EZR: variants seen among roughly 807,000 people sequenced by gnomAD.
The protein encoded by EZR is ezrin.
In EZR, 40 loss-of-function variants were observed where a neutral mutation model predicts 74.8. That is an observed-to-expected ratio of 0.53 (90% CI 0.42 to 0.70). The LOEUF is 0.70. Ranked by LOEUF, EZR falls within the 30% of genes least tolerant of loss-of-function variation. The pLI is 0.00. For synonymous variants in EZR, 341 were observed against 283.3 expected (o/e 1.20, Z -2.05); for missense variants, 678 against 755.8 (o/e 0.90, Z 1.21).
In EZR at chr6:158,766,839, A is replaced by G. The variant is rs1353779870; in HGVS notation, c.*75T>C. 2.2e-6 allele frequency: 3 copies of G among 1,369,536 alleles called. No individual in the cohort carries two copies. The African/African-American group carries it at 4.6e-5, about 21-fold the overall frequency. 84.8% of individuals were successfully genotyped at this position (1,369,536 alleles called of 1,614,324 possible). A position where few individuals can be genotyped will look rare whatever the true frequency, so the allele number is the denominator to read the frequency against. ...CTGAGGGAGTTCCTAGACTTGGAGC[A>G]CTAAAGACACAAGCGTGGCGGGGCT... On this transcript the variant is annotated 3_prime_UTR_variant, in exon 14 of 14. Transcript: ENST00000367075.
rs1562510919 is a variant in EZR, at chr6:158,818,116, T to C, written c.-23A>G. Reference sequence around the variant, plus strand: ...CATTTTCGGTTTCTGGTGAGTATCCTCGATCCCCGAAAACACGACTATCCA... The same window carrying C: ...CATTTTCGGTTTCTGGTGAGTATCCCCGATCCCCGAAAACACGACTATCCA... On this transcript the variant is annotated 5_prime_UTR_variant, in exon 2 of 14. Transcript: ENST00000367075. 6.2e-7 allele frequency: 1 copy of C among 1,607,270 alleles called. No individual in the cohort carries two copies. Among genetic ancestry groups the C allele is most frequent in the South Asian group, 1.1e-5 (1 of 90,448 alleles).
chr6:158,771,298 A>C lies in EZR; in HGVS notation c.905T>G (p.Val302Gly), dbSNP rs777703007. The change falls in exon 9 of 14, where the codon GTG becomes GGG. Residue 302 changes from valine to glycine, a missense_variant. Val to Gly is a moderately radical substitution (Grantham distance 109, BLOSUM62 -3). This residue lies in a region of EZR where 119 missense variants were observed against 182.3 expected (regional missense o/e 0.65). Coordinates refer to ENST00000367075, the MANE Select transcript of EZR (RefSeq NM_001111077.2). Reference sequence around the variant, plus strand: ...CCGGGCCTGGGCCTTCATCTGCTGCACCTCGATGGTGTCAGGCTTCCTGCG... The same window carrying C: ...CCGGGCCTGGGCCTTCATCTGCTGCCCCTCGATGGTGTCAGGCTTCCTGCG... ...MRRRKPDTIEVQQMKAQAREE... is the reference protein window; with the variant it reads ...MRRRKPDTIEGQQMKAQAREE... 6.2e-7 allele frequency: 1 copy of C among 1,614,012 alleles called. No homozygotes were observed.
At chr6:158,805,077 G>A (rs552639289) in intron 2 of EZR, among the ~76,000 whole-genome samples, 93 of 152,126 alleles carry the variant, frequency 6.1e-4, no homozygotes, top group African/African-American at 2.1e-3. Context: ...GATCTTGGGA[G>A]TGAGAAGGTG....
In EZR at chr6:158,818,139, C is replaced by A. The variant is rs745345368; in HGVS notation, c.-46G>T. ...CCTCGATCCCCGAAAACACGACTAT[C>A]CAGCAGCAGCGAAGACGCTGTCCCA... On this transcript the variant is annotated 5_prime_UTR_variant, in exon 2 of 14. Transcript: ENST00000367075. The A allele has an allele frequency of 1.9e-6, 3 of 1,604,232 alleles. No individual in the cohort carries two copies. Among genetic ancestry groups the A allele is most frequent in the South Asian group, 2.2e-5 (2 of 90,212 alleles).
chr6:158,817,619 C>A (rs1316653777), intron 2 of EZR, among the ~76,000 whole-genome samples: 1 of 152,196 alleles, frequency 6.6e-6, no homozygotes, highest in African/African-American at 2.4e-5. Flanking sequence ...AAGCCAGTCT[C>A]CTCTCCCAAA....
chr6:158,798,364 A>T (rs1241437994), intron 2 of EZR, among the ~76,000 whole-genome samples: 1 of 152,258 alleles, frequency 6.6e-6, no homozygotes, highest in Admixed American at 6.5e-5. Context: ...ATGAATTTTT[A>T]AAAACTAAAC....
intron 2 of EZR, among the ~76,000 whole-genome samples, chr6:158,805,867 C>A (rs566952151): frequency 3.9e-5 from 6 of 152,196 alleles, no homozygotes; most frequent in Non-Finnish European, 8.8e-5. Context: ...TTCCTTCCCC[C>A]ATCCCTGCCC....
chr6:158,803,521 G>T (rs1777234148), intron 2 of EZR, among the ~76,000 whole-genome samples: 1 of 112,414 alleles, frequency 8.9e-6, no homozygotes, highest in Non-Finnish European at 1.8e-5. Flanking sequence ...TAAATATTAT[G>T]TAACATTATA....
intron 7 of EZR, among the ~76,000 whole-genome samples, chr6:158,778,731 C>G (rs11967637): frequency 0.24 from 35,978 of 152,102 alleles, 5,194 homozygotes; most frequent in African/African-American, 0.41. Flanking sequence ...AGCAAGGAAG[C>G]CTGCAAAGAA....
Position 158,766,770 on chromosome 6 carries a change from C to T in EZR, c.*144G>A. The T allele has an allele frequency of 2.3e-6, 2 of 855,128 alleles. No individual in the cohort carries two copies. The highest frequency in any genetic ancestry group is 3.7e-6 in the Non-Finnish European group (2 of 542,190). 53.0% of individuals were successfully genotyped at this position (855,128 alleles called of 1,614,324 possible). A position where few individuals can be genotyped will look rare whatever the true frequency, so the allele number is the denominator to read the frequency against. On this transcript the variant is annotated 3_prime_UTR_variant, in exon 14 of 14. Coordinates refer to ENST00000367075, the MANE Select transcript of EZR (RefSeq NM_001111077.2). The stretch of plus-strand genomic sequence containing the variant: ...CAGGGCGCCTCCCTGGTTCCCAGCC[C>T]AGAATGTTTCTGTTGGGTAACTGCT...
intron 8 of EZR, among the ~76,000 whole-genome samples, chr6:158,771,934 T>A (rs1314019847): frequency 6.6e-6 from 1 of 152,100 alleles, no homozygotes; most frequent in Non-Finnish European, 1.5e-5. Context: ...CCTCCCACAC[T>A]GTTATTGCTA....
intron 2 of EZR, among the ~76,000 whole-genome samples, chr6:158,791,902 G>T (rs1199246658): frequency 6.6e-6 from 1 of 151,734 alleles, no homozygotes; most frequent in African/African-American, 2.4e-5. Flanking sequence ...TAGAGACAGG[G>T]TTTCACCGTG....
At chr6:158,788,025 G>C (rs898675228) in intron 3 of EZR, among the ~76,000 whole-genome samples, 2 of 152,140 alleles carry the variant, frequency 1.3e-5, no homozygotes, top group African/African-American at 4.8e-5. Context: ...AGACAAGTTC[G>C]ACTATTTACA....
intron 4 of EZR, among the ~76,000 whole-genome samples, chr6:158,786,830 T>C (rs1791595705): frequency 6.6e-6 from 1 of 152,220 alleles, no homozygotes; most frequent in Non-Finnish European, 1.5e-5. Context: ...TCACAGTTTA[T>C]AAGATTAACA....
At chr6:158,816,433 T>C (rs918025729) in intron 2 of EZR, among the ~76,000 whole-genome samples, 2 of 152,212 alleles carry the variant, frequency 1.3e-5, no homozygotes, top group Non-Finnish European at 2.9e-5. Flanking sequence ...GAGTGCTATC[T>C]TAGCTGAGCT....
intron 2 of EZR, among the ~76,000 whole-genome samples, chr6:158,798,432 G>C (rs1310858994): frequency 6.6e-6 from 1 of 152,188 alleles, no homozygotes; most frequent in Non-Finnish European, 1.5e-5. Context: ...CTTAGAAGTT[G>C]CTGGCTGCCA....
At position 158,766,298 on chromosome 6, in the gene EZR, CAAAAAAA is replaced by C. The variant is rs560786138; in HGVS notation, c.*609_*615del. ...TACAATGTATTCTAAAACTGTTAAG[CAAAAAAA>C]AAAAAAACAAAAAAAAAAATCCAAG... On this transcript the variant is annotated 3_prime_UTR_variant, in exon 14 of 14. Transcript: ENST00000367075. 1.1e-5 allele frequency: 1 copy of C among 90,154 alleles called. No individual in the cohort carries two copies. The highest frequency in any genetic ancestry group is 1.1e-4 in the Admixed American group (1 of 8,774). The allele number at this position is 90,154 out of a possible 1,614,324, so 5.6% of individuals were successfully genotyped here.
intron 10 of EZR, among the ~76,000 whole-genome samples, 173 bp from the exon 11 acceptor site, chr6:158,770,117 C>T (rs1406459574): frequency 1.3e-5 from 2 of 152,218 alleles, no homozygotes; most frequent in East Asian, 1.9e-4. Context: ...GCTGCTGTAT[C>T]CATGACAACT....
In EZR at chr6:158,786,065, C is replaced by CA. The variant is rs1156792824; in HGVS notation, c.193-483dup. Among the ~76,000 whole-genome samples, 3 of 145,486 alleles carry CA rather than the reference C, an allele frequency of 2.1e-5. 1 individual carries two copies. Among genetic ancestry groups the CA allele is most frequent in the East Asian group, 4.2e-4 (2 of 4,792 alleles). On this transcript the variant is annotated intron_variant, in intron 4 of 13. Transcript: ENST00000367075. ...GACCCTGTCTCTTCTTAAAAAACAA[C>CA]AACAAACAAACAAAAACAAAAAAAC...
Sources: allele counts gnomAD v4.1 joint callset (sites outside exome capture counted in the v4.1 genomes callset), GRCh38; gene constraint gnomAD v4.1.1; regional missense constraint gnomAD v4.1.1; transcripts MANE v1.5; gene names NCBI Gene and HGNC (gene_info 2026-07-23, HGNC 2026-07-21).